The following SESTD1 variants were observed in gnomAD, a reference collection of about 807,000 sequenced individuals.
SESTD1 encodes the protein SEC14 and spectrin domain containing 1.
A neutral mutation model predicts 101.7 loss-of-function variants in SESTD1; 43 were observed. That is an observed-to-expected ratio of 0.42 (90% CI 0.33 to 0.55). SESTD1 has a LOEUF of 0.55. SESTD1 is among the 20% of genes least tolerant of loss of function. The probability of loss-of-function intolerance (pLI) is 0.07; values close to 1 mark genes in which losing one functional copy is unlikely to be tolerated. For missense variants in SESTD1, 647 were observed against 815.1 expected (o/e 0.79, Z 2.51); for synonymous variants, 283 against 286.8 (o/e 0.99, Z 0.13).
chr2:179,147,810 T>C (rs1351673052), intron 7 of SESTD1, among the ~76,000 whole-genome samples: 1 of 152,238 alleles, frequency 6.6e-6, no homozygotes, highest in Non-Finnish European at 1.5e-5. Flanking sequence ...TCATTTTCTA[T>C]AGTCACCAAC....
chr2:179,118,166 T>C lies in SESTD1; in HGVS notation c.1443-553A>G, dbSNP rs548310836. On this transcript the variant is annotated intron_variant, in intron 13 of 17. Coordinates refer to ENST00000428443, the MANE Select transcript of SESTD1 (RefSeq NM_178123.5). ...AACATTTAAACATTAACGCTTTTCA[T>C]TATATTATAGTACCTAAAATAATAT... Among the ~76,000 whole-genome samples the C allele has an allele frequency of 6.6e-5, 10 of 152,330 alleles. No individual in the cohort carries two copies. In the East Asian group the frequency reaches 1.9e-3, roughly 29 times the overall value.
chr2:179,239,328 T>C (rs531413099), intron 1 of SESTD1, among the ~76,000 whole-genome samples: 1 of 152,176 alleles, frequency 6.6e-6, no homozygotes, highest in Non-Finnish European at 1.5e-5. Flanking sequence ...TTTTCTTCCT[T>C]TTGCAAACCA....
At chr2:179,202,715 G>C (rs1406254032) in intron 1 of SESTD1, among the ~76,000 whole-genome samples, 1 of 135,070 alleles carries the variant, frequency 7.4e-6, no homozygotes, top group African/African-American at 2.9e-5. Context: ...GAATTCAACA[G>C]TTTCACTTTT....
chr2:179,152,403 T>C (rs1461284355), intron 5 of SESTD1, among the ~76,000 whole-genome samples: 1 of 152,172 alleles, frequency 6.6e-6, no homozygotes, highest in Non-Finnish European at 1.5e-5. Flanking sequence ...ATGGCAAAAA[T>C]TATGTGACTA....
chr2:179,187,385 G>A (rs544651658), intron 2 of SESTD1, among the ~76,000 whole-genome samples: 1 of 152,302 alleles, frequency 6.6e-6, no homozygotes, highest in East Asian at 1.9e-4. Context: ...AGCAATTTGG[G>A]AGACTGAGGT....
intron 1 of SESTD1, among the ~76,000 whole-genome samples, chr2:179,261,000 A>C (rs994554888): frequency 1.3e-5 from 2 of 152,158 alleles, no homozygotes; most frequent in African/African-American, 4.8e-5. Context: ...AAAGACAAAA[A>C]GTGAAGGGAG....
At chr2:179,189,603 T>C (rs12622434) in intron 2 of SESTD1, among the ~76,000 whole-genome samples, 16 of 152,024 alleles carry the variant, frequency 1.1e-4, no homozygotes, top group African/African-American at 3.1e-4. Flanking sequence ...ATAAAAGGCA[T>C]AGAATTAGAA....
chr2:179,235,003 T>C (rs1265367692), intron 1 of SESTD1, among the ~76,000 whole-genome samples: 3 of 151,082 alleles, frequency 2.0e-5, no homozygotes, highest in African/African-American at 4.9e-5. Flanking sequence ...GGAAGTGTTC[T>C]GTATTAAGGA....
intron 1 of SESTD1, among the ~76,000 whole-genome samples, chr2:179,218,161 T>C (rs550947187): frequency 6.6e-6 from 1 of 152,168 alleles, no homozygotes; most frequent in African/African-American, 2.4e-5. Context: ...AACATAAACA[T>C]ACTAGTCCAC....
intron 1 of SESTD1, among the ~76,000 whole-genome samples, chr2:179,225,845 G>A (rs145747180): frequency 4.6e-5 from 7 of 152,228 alleles, no homozygotes; most frequent in African/African-American, 1.7e-4. Flanking sequence ...ACCTCCGAAA[G>A]GCTATATACC....
At chr2:179,259,230 CT>C in intron 1 of SESTD1, among the ~76,000 whole-genome samples, 1 of 152,008 alleles carries the variant, frequency 6.6e-6, no homozygotes, top group Non-Finnish European at 1.5e-5. Context: ...AGTTCTCTAG[CT>C]TTTTGTTTGT....
At chr2:179,202,850 C>T (rs2046539079) in intron 1 of SESTD1, among the ~76,000 whole-genome samples, 1 of 134,862 alleles carries the variant, frequency 7.4e-6, no homozygotes, top group Admixed American at 7.2e-5. Flanking sequence ...GAGTGCCTTC[C>T]TCCAGAAAGA....
In SESTD1 at chr2:179,156,185, C is replaced by CAT. The variant is rs200104530; in HGVS notation, c.370-4796_370-4795dup. Among the ~76,000 whole-genome samples, 319 of 151,712 alleles carry CAT rather than the reference C, an allele frequency of 2.1e-3. 6 individuals are homozygous for CAT. Among genetic ancestry groups the CAT allele is most frequent in the African/African-American group, 7.4e-3 (304 of 41,320 alleles). ...ATGTATATGTGTGTGTATATATACA[C>CAT]ATATATATATCACATATATACATCA... is the stretch of plus-strand genomic sequence containing the variant. On this transcript the variant is annotated intron_variant, in intron 5 of 17. Transcript: ENST00000428443.
intron 1 of SESTD1, among the ~76,000 whole-genome samples, chr2:179,246,100 C>CA (rs2047226377): frequency 6.6e-6 from 1 of 151,808 alleles, no homozygotes; most frequent in South Asian, 2.1e-4. Context: ...ACTAAAAACA[C>CA]AAAAATTAGC....
chr2:179,165,187 C>T (rs567355203), intron 5 of SESTD1, among the ~76,000 whole-genome samples: 1 of 152,206 alleles, frequency 6.6e-6, no homozygotes, highest in Admixed American at 6.5e-5. Flanking sequence ...AAGTGCCTAG[C>T]GCTTTCTTGA....
chr2:179,148,831 C>T (rs1452885282), intron 7 of SESTD1, among the ~76,000 whole-genome samples: 5 of 151,928 alleles, frequency 3.3e-5, no homozygotes, highest in East Asian at 1.9e-4. Flanking sequence ...GAGGCCGAGA[C>T]GGGCAGATCA....
Position 179,156,772 on chromosome 2 carries a change from G to T in SESTD1, c.370-5381C>A, listed in dbSNP as rs187695807. 2.6e-5 allele frequency among the ~76,000 whole-genome samples: 4 copies of T among 152,232 alleles called. No homozygotes were observed. The East Asian group carries it at 7.7e-4, about 29-fold the overall frequency. ...AAGATTTTCTCCCCCTCTGTAGGTTGTCTGTTTACTCTGCTGACTGTTCAT... is the reference window on the plus strand; with the variant it reads ...AAGATTTTCTCCCCCTCTGTAGGTTTTCTGTTTACTCTGCTGACTGTTCAT... On this transcript the variant is annotated intron_variant, in intron 5 of 17. Coordinates refer to ENST00000428443, the MANE Select transcript of SESTD1 (RefSeq NM_178123.5).
At chr2:179,151,435 T>C in intron 5 of SESTD1, 44 bp from the exon 6 acceptor site, 12 of 1,444,128 alleles carry the variant, frequency 8.3e-6, no homozygotes, top group South Asian at 1.3e-5. Context: ...TAACCCACTA[T>C]TAAAATCCAC....
At chr2:179,165,215 A>G (rs1232696842) in intron 5 of SESTD1, among the ~76,000 whole-genome samples, 1 of 152,212 alleles carries the variant, frequency 6.6e-6, no homozygotes, top group Non-Finnish European at 1.5e-5. Flanking sequence ...TCCTAGCTGA[A>G]TCTCTTCAAT....
Sources: gnomAD v4.1 joint callset for allele counts (sites outside exome capture counted in the v4.1 genomes callset) on GRCh38, gnomAD v4.1.1 for gene constraint, MANE v1.5 for transcripts, NCBI Gene and HGNC (gene_info 2026-07-23, HGNC 2026-07-21) for gene names.